The following ADAD1 variants were observed in gnomAD, a reference collection of about 807,000 sequenced individuals.
ADAD1 encodes the protein adenosine deaminase domain containing 1.
A neutral mutation model predicts 66.8 loss-of-function variants in ADAD1; 46 were observed. The ratio of observed to expected loss-of-function variants is 0.69; its 90% CI spans 0.54 to 0.88. The LOEUF (loss-of-function observed/expected upper bound fraction) is 0.88, where lower values mean the gene tolerates loss of function less well. ADAD1 is among the 40% of genes least tolerant of loss of function. The probability of loss-of-function intolerance (pLI) is 0.00; values close to 1 mark genes in which losing one functional copy is unlikely to be tolerated. For synonymous variants in ADAD1, 248 were observed against 229.4 expected, an observed-to-expected ratio of 1.08 and a Z score of -0.73; for missense variants, 617 against 681.8, an observed-to-expected ratio of 0.91 and a Z score of 1.06.
At chr4:122,414,860 G>T (rs1032853174) in intron 10 of ADAD1, among the ~76,000 whole-genome samples, 1 of 151,968 alleles carries the variant, frequency 6.6e-6, no homozygotes, top group African/African-American at 2.4e-5. Flanking sequence ...CAAAGCTTTT[G>T]GTATTGGCAC....
chr4:122,380,915 G>C (rs1033399097), intron 3 of ADAD1, 77 bp from the exon 4 acceptor site: 2 of 1,306,388 alleles, frequency 1.5e-6, no homozygotes, highest in Non-Finnish European at 2.1e-6. Context: ...CTTCCATTTC[G>C]GGGAGGATTT....
rs1794822220 is a variant in ADAD1 at position 122,380,213 on chromosome 4, G to C, written c.144G>C (p.Lys48Asn). The C allele has an allele frequency of 2.5e-6, 4 of 1,612,558 alleles. No individual in the cohort carries two copies. Among genetic ancestry groups the C allele is most frequent in the Non-Finnish European group, 2.5e-6 (3 of 1,179,668 alleles). Residue 48 changes from lysine to asparagine, a missense_variant, in exon 3 of 13, where the codon AAG (lysine) becomes AAC (asparagine). By Grantham distance (94) the Lys-to-Asn change is moderately conservative. Transcript: ENST00000296513. ...GWSSESYGLS[K>N]MASKVTQVTG... ...CCTCAGAAAGTTACGGCCTGTCCAA[G>C]ATGGCATCCAAGGTTACGCAAGTAA...
In ADAD1 at chr4:122,412,779, C is replaced by G. The variant is rs369880304; in HGVS notation, c.1219C>G (p.Gln407Glu). ...GGGAGCATTGCTGAGTCATTTTATA[C>G]AGCCAGTTTACATCAGCAGTATACT... ...VQGALLSHFI[Q>E]PVYISSILIG... Residue 407 changes from glutamine (Q) to glutamate (E), a missense_variant, in exon 10 of 13, where the codon CAG becomes GAG. Transcript: ENST00000296513. 4 of 1,613,704 alleles carry G rather than the reference C, an allele frequency of 2.5e-6. No homozygotes were observed. The African/African-American group carries it at 4.0e-5, about 16-fold the overall frequency.
intron 12 of ADAD1, among the ~76,000 whole-genome samples, chr4:122,427,523 C>CTTTATTTT (rs1797299184): frequency 1.4e-5 from 1 of 71,980 alleles, no homozygotes; most frequent in Non-Finnish European, 2.4e-5. Flanking sequence ...ATCCAAAGGC[C>CTTTATTTT]TTTTTTTTTT....
intron 11 of ADAD1, among the ~76,000 whole-genome samples, chr4:122,417,040 AAAAG>A (rs1224246558): frequency 3.3e-5 from 5 of 152,184 alleles, no homozygotes; most frequent in African/African-American, 1.2e-4. Flanking sequence ...ATTACAAATA[AAAAG>A]AAAGCAGAGG....
chr4:122,393,715 AC>A (rs1448476957), intron 6 of ADAD1, 58 bp downstream of exon 6: 2 of 1,319,884 alleles, frequency 1.5e-6, no homozygotes, highest in Admixed American at 4.4e-5. Flanking sequence ...AAAAATAGTA[AC>A]AACATAATTA....
At chr4:122,391,555 C>G (rs1795445483) in intron 5 of ADAD1, among the ~76,000 whole-genome samples, 1 of 152,190 alleles carries the variant, frequency 6.6e-6, no homozygotes, top group South Asian at 2.1e-4. Flanking sequence ...CCCTGAGCCT[C>G]TAGCTGGAGT....
chr4:122,419,593 A>G (rs1403415401), intron 11 of ADAD1, among the ~76,000 whole-genome samples: 3 of 152,212 alleles, frequency 2.0e-5, no homozygotes, highest in Admixed American at 6.5e-5. Flanking sequence ...AAACTCACCT[A>G]TATCCAAGAA....
At chr4:122,404,937 G>A (rs1796139980) in intron 7 of ADAD1, among the ~76,000 whole-genome samples, 1 of 151,972 alleles carries the variant, frequency 6.6e-6, no homozygotes, top group Admixed American at 6.6e-5. Flanking sequence ...TCCTTCTTTT[G>A]GTTAACTCTT....
rs554853496 is a variant in ADAD1, at chr4:122,383,315, G to C, written c.362-484G>C. Among the ~76,000 whole-genome samples the C allele has an allele frequency of 2.6e-5, 4 of 152,246 alleles. No homozygotes were observed. In the South Asian group the frequency reaches 8.3e-4, roughly 32 times the overall value. On this transcript the variant is annotated intron_variant, in intron 4 of 12. Coordinates refer to ENST00000296513, the MANE Select transcript of ADAD1 (RefSeq NM_139243.4). ...ATAGTACACAGGGTTTCTTCAAAGAGATCTCTTATATTCTGGAGCTTAAAA... is the reference window on the plus strand; with the variant it reads ...ATAGTACACAGGGTTTCTTCAAAGACATCTCTTATATTCTGGAGCTTAAAA...
chr4:122,422,770 T>TA (rs1394062816), intron 12 of ADAD1, among the ~76,000 whole-genome samples: 1 of 151,718 alleles, frequency 6.6e-6, no homozygotes, highest in African/African-American at 2.4e-5. Context: ...GAAAAAACAT[T>TA]AAAAAGTGTG....
intron 12 of ADAD1, among the ~76,000 whole-genome samples, chr4:122,428,930 T>C (rs1797384236): frequency 6.6e-6 from 1 of 152,166 alleles, no homozygotes; most frequent in South Asian, 2.1e-4. Flanking sequence ...AACCAGCTTG[T>C]TAAAAGTTCA....
chr4:122,379,896 C>T (rs564856690), intron 2 of ADAD1, among the ~76,000 whole-genome samples, 166 bp from the exon 3 acceptor site: 2 of 152,030 alleles, frequency 1.3e-5, no homozygotes, highest in South Asian at 2.1e-4. Context: ...TCTATGAAAA[C>T]TCAAAAAGCA....
chr4:122,410,178 A>G (rs1051110685), intron 8 of ADAD1, among the ~76,000 whole-genome samples: 3 of 152,212 alleles, frequency 2.0e-5, no homozygotes, highest in Admixed American at 6.5e-5. Flanking sequence ...GTCTCTAATA[A>G]TGAGGAATCC....
chr4:122,423,768 A>G (rs1202877757), intron 12 of ADAD1, among the ~76,000 whole-genome samples: 2 of 152,238 alleles, frequency 1.3e-5, no homozygotes, highest in Non-Finnish European at 1.5e-5. Context: ...CATAGGCCCC[A>G]TATCATATGG....
chr4:122,392,297 C>T (rs1168445947), intron 5 of ADAD1, among the ~76,000 whole-genome samples: 1 of 152,132 alleles, frequency 6.6e-6, no homozygotes, highest in Non-Finnish European at 1.5e-5. Context: ...ATCAAATCAA[C>T]CCAGGTGCCC....
In ADAD1 at chr4:122,415,583, T is replaced by C. The variant is rs991611532; in HGVS notation, c.1454T>C (p.Ile485Thr). The change falls in exon 11 of 13, where the codon ATT becomes ACT. Residue 485 changes from isoleucine (I) to threonine (T), a missense_variant. Transcript: ENST00000296513. Reference sequence around the variant, plus strand: ...GCACAAGGAGATGTTTCTTTGGAGATTGTGGATGGCCTGAGTGGGAAGATC... The same window carrying C: ...GCACAAGGAGATGTTTCTTTGGAGACTGTGGATGGCCTGAGTGGGAAGATC... Reference protein sequence around the residue: ...NWAQGDVSLEIVDGLSGKITE... With the variant: ...NWAQGDVSLETVDGLSGKITE... 7 of 1,613,768 alleles carry C rather than the reference T, an allele frequency of 4.3e-6. No homozygotes were observed. The highest frequency in any genetic ancestry group is 5.9e-6 in the Non-Finnish European group (7 of 1,179,806).
At chr4:122,395,677 A>AG in intron 6 of ADAD1, among the ~76,000 whole-genome samples, 1 of 151,880 alleles carries the variant, frequency 6.6e-6, no homozygotes, top group East Asian at 1.9e-4. Flanking sequence ...AAAAAAAAAA[A>AG]GGATCCATAG....
intron 12 of ADAD1, among the ~76,000 whole-genome samples, chr4:122,429,399 G>A (rs1300487380): frequency 6.6e-6 from 1 of 150,886 alleles, no homozygotes; most frequent in Non-Finnish European, 1.5e-5. Context: ...CAACCTGCAT[G>A]ACAGAACAAG....
Sources: gnomAD v4.1 joint callset for allele counts (sites outside exome capture counted in the v4.1 genomes callset) on GRCh38, gnomAD v4.1.1 for gene constraint, MANE v1.5 for transcripts, NCBI Gene and HGNC (gene_info 2026-07-23, HGNC 2026-07-21) for gene names.